CEP41: variants seen among roughly 807,000 people sequenced by gnomAD.
CEP41 encodes centrosomal protein 41.
CEP41 carries 32 observed loss-of-function variants against 44.3 expected under a neutral mutation model. That is an observed-to-expected ratio of 0.72 (90% CI 0.54 to 0.97). CEP41 has a LOEUF of 0.97. CEP41 is among the 50% of genes least tolerant of loss of function. CEP41 has a pLI of 0.00. For missense variants in CEP41, 432 were observed against 455.2 expected (o/e 0.95, Z 0.46); for synonymous variants, 151 against 168.5 (o/e 0.90, Z 0.80).
chr7:130,403,299 C>T (rs1423550689), intron 6 of CEP41, among the ~76,000 whole-genome samples: 86 of 152,300 alleles, frequency 5.6e-4, no homozygotes, highest in African/African-American at 1.9e-3. Flanking sequence ...AGTCTTAATA[C>T]TTACATAGCT....
At chr7:130,432,729 C>T (rs1797859974) in intron 1 of CEP41, among the ~76,000 whole-genome samples, 2 of 151,946 alleles carry the variant, frequency 1.3e-5, no homozygotes, top group African/African-American at 4.8e-5. Context: ...CATTGCAATC[C>T]AGCCTGTGTG....
At position 130,411,128 on chromosome 7, in the gene CEP41, G is replaced by C. The variant is rs781918475; in HGVS notation, c.271C>G (p.Leu91Val). 6.2e-7 allele frequency: 1 copy of C among 1,613,796 alleles called. No homozygotes were observed. Among genetic ancestry groups the C allele is most frequent in the South Asian group, 1.1e-5 (1 of 91,062 alleles). The change falls in exon 5 of 11, where the codon CTG becomes GTG. Residue 91 changes from leucine (L) to valine (V), a missense_variant. By Grantham distance (32) the Leu-to-Val change is conservative (BLOSUM62 1). Coordinates refer to ENST00000223208, the MANE Select transcript of CEP41 (RefSeq NM_018718.3). ...CACCCTCAATTCTCATTACCTTCCA[G>C]CCTTTGAATCTCCTCAGCTGTCACT... ...LEVTAEEIQR[L>V]EDNDSAASDP...
intron 2 of CEP41, chr7:130,420,876 T>C: frequency 4.3e-6 from 4 of 926,632 alleles, no homozygotes; most frequent in Non-Finnish European, 5.2e-6. Context: ...TATTTTATAA[T>C]GCAAATACTT....
intron 5 of CEP41, among the ~76,000 whole-genome samples, chr7:130,405,043 T>C (rs1419905668): frequency 6.6e-6 from 1 of 152,236 alleles, no homozygotes; most frequent in Admixed American, 6.5e-5. Flanking sequence ...TTAGCAATCA[T>C]TGTATTATTC....
intron 2 of CEP41, chr7:130,421,119 C>T (rs1458695763): frequency 1.4e-5 from 14 of 985,136 alleles, no homozygotes; most frequent in Non-Finnish European, 1.7e-5. Context: ...AGAAACAACC[C>T]GACTATAGCA....
Position 130,396,098 on chromosome 7 carries a change from C to CT in CEP41, c.*2792dup. The CT allele has an allele frequency of 2.2e-6, 1 of 453,958 alleles. No individual in the cohort carries two copies. 28.1% of individuals were successfully genotyped at this position (453,958 alleles called of 1,614,324 possible). A position where few individuals can be genotyped will look rare whatever the true frequency, so the allele number is the denominator to read the frequency against. ...TCCTTGCTTCTTTCTCCCTTCCTTT[C>CT]TTTTTTTCTTTTCTCCCTTCCTTAA... On this transcript the variant is annotated 3_prime_UTR_variant, in exon 11 of 11. Coordinates refer to ENST00000223208, the MANE Select transcript of CEP41 (RefSeq NM_018718.3).
chr7:130,427,203 T>C (rs747092201), intron 2 of CEP41, among the ~76,000 whole-genome samples: 1 of 152,160 alleles, frequency 6.6e-6, no homozygotes, highest in Non-Finnish European at 1.5e-5. Context: ...GCTAAAGGCA[T>C]ACAGTACCCC....
At chr7:130,402,417 T>C (rs572098031) in intron 7 of CEP41, among the ~76,000 whole-genome samples, 4 of 151,626 alleles carry the variant, frequency 2.6e-5, no homozygotes, top group African/African-American at 4.8e-5. Context: ...AAGAGCACTA[T>C]GAACAAAGCA....
rs1554414311 is a variant in CEP41, at chr7:130,395,913, A to T, written c.*2978T>A. The T allele has an allele frequency of 2.2e-6, 1 of 448,802 alleles. No homozygotes were observed. The highest frequency in any genetic ancestry group is 4.4e-6 in the Non-Finnish European group (1 of 225,662). 27.8% of individuals were successfully genotyped at this position (448,802 alleles called of 1,614,324 possible). A position where few individuals can be genotyped will look rare whatever the true frequency, so the allele number is the denominator to read the frequency against. ...AAAAAAAAGATAAAAGATAAAATGA[A>T]TGCAGGCCATTTAAATCATTCCATA... On this transcript the variant is annotated 3_prime_UTR_variant, in exon 11 of 11. Transcript: ENST00000223208.
chr7:130,441,036 C>A (rs1367666446), upstream of CEP41: 5 of 1,550,810 alleles, frequency 3.2e-6, no homozygotes, highest in African/African-American at 4.1e-5. Context: ...TTCCTACCCC[C>A]ACAACCTTGT....
intron 2 of CEP41, chr7:130,426,769 A>G (rs928936827): frequency 4.9e-6 from 2 of 410,290 alleles, no homozygotes; most frequent in East Asian, 1.7e-4. Flanking sequence ...CCTAAGAAAC[A>G]GTACACCAGA....
chr7:130,420,348 AAAAT>A (rs1294049380), intron 2 of CEP41: 4 of 151,406 alleles, frequency 2.6e-5, no homozygotes, highest in Non-Finnish European at 5.9e-5. Flanking sequence ...AAAAAAAAAA[AAAAT>A]GGCCAGGTGT....
At chr7:130,411,254 CT>C in intron 4 of CEP41, 63 bp from the exon 5 acceptor site, 2 of 1,382,992 alleles carry the variant, frequency 1.4e-6, no homozygotes, top group Middle Eastern at 1.8e-4. Context: ...GCAATTTTGT[CT>C]TTTACAAAAG....
chr7:130,408,097 T>G lies in CEP41; in HGVS notation c.277+3025A>C, dbSNP rs73721893. On this transcript the variant is annotated intron_variant, in intron 5 of 10. Coordinates refer to ENST00000223208, the MANE Select transcript of CEP41 (RefSeq NM_018718.3). ...AGACATGCAGGCCCTCCTGCCTCCT[T>G]CCCCAAGGGAAGTATCAGTATATTA... Among the ~76,000 whole-genome samples, 1,430 of 152,264 alleles carry G rather than the reference T, an allele frequency of 9.4e-3. 27 individuals are homozygous for G. The highest frequency in any genetic ancestry group is 0.033 in the African/African-American group (1,361 of 41,554).
At chr7:130,441,326 A>G (rs1554427949), upstream of CEP41, 3 of 438,410 alleles carry the variant, frequency 6.8e-6, no homozygotes, top group Admixed American at 3.5e-5. Flanking sequence ...CCGGGACAAA[A>G]CACGAGTTTT....
chr7:130,440,956 C>G lies in CEP41; in HGVS notation c.11G>C (p.Arg4Pro). Residue 4 changes from arginine to proline, a missense_variant, in exon 1 of 11, where the codon CGG (arginine) becomes CCG (proline). Coordinates refer to ENST00000223208, the MANE Select transcript of CEP41 (RefSeq NM_018718.3). MSL[R>P]RHIGNPEYLM... is the part of the protein sequence containing the mutation. ...CACCTCAGGGTTCCCAATGTGCCTC[C>G]GGAGGGACATATTTTCTCCAACCGA... 1 of 1,612,824 alleles carries G rather than the reference C, an allele frequency of 6.2e-7. No homozygotes were observed. The highest frequency in any genetic ancestry group is 8.5e-7 in the Non-Finnish European group (1 of 1,180,010).
chr7:130,418,582 C>T (rs1027832669), intron 2 of CEP41, among the ~76,000 whole-genome samples: 1 of 152,238 alleles, frequency 6.6e-6, no homozygotes, highest in East Asian at 1.9e-4. Context: ...TAGTTTCTTT[C>T]GGCTAGGGAA....
intron 2 of CEP41, among the ~76,000 whole-genome samples, chr7:130,425,394 C>T (rs1474139119): frequency 3.3e-5 from 5 of 152,100 alleles, no homozygotes; most frequent in South Asian, 2.1e-4. Context: ...GCCTGGGTGA[C>T]GGGATAAGAC....
At chr7:130,427,567 C>T (rs1472215824) in intron 2 of CEP41, among the ~76,000 whole-genome samples, 1 of 152,148 alleles carries the variant, frequency 6.6e-6, no homozygotes, top group African/African-American at 2.4e-5. Context: ...GCAAACACTG[C>T]ATTGAACAAA....
Sources: gnomAD v4.1 joint callset for allele counts (sites outside exome capture counted in the v4.1 genomes callset) on GRCh38, gnomAD v4.1.1 for gene constraint, MANE v1.5 for transcripts, NCBI Gene and HGNC (gene_info 2026-07-23, HGNC 2026-07-21) for gene names.